Variants in MINK1 observed in about 807,000 individuals in gnomAD.
The protein encoded by MINK1 is misshapen-like kinase 1.
A neutral mutation model predicts 178.4 loss-of-function variants in MINK1; 46 were observed. The ratio of observed to expected loss-of-function variants is 0.26; its 90% confidence interval spans 0.20 to 0.33. The LOEUF (loss-of-function observed/expected upper bound fraction) is 0.33, where lower values mean the gene tolerates loss of function less well. Ranked by LOEUF, MINK1 falls within the 10% of genes least tolerant of loss-of-function variation. The pLI is 1.00. For synonymous variants in MINK1, 797 were observed against 709.7 expected (o/e 1.12, Z -1.96); for missense variants, 1,366 against 1,814.9 (o/e 0.75, Z 4.49).
chr17:4,896,379 C>G lies in MINK1; in HGVS notation c.3615+37C>G. ...GGGGCTGCTGGGGGAGTGGGATGGC[C>G]CAGTCTGGGCACCAGACACGGAGAC... On this transcript the variant is annotated intron_variant, in intron 29 of 31. Transcript: ENST00000355280. The surrounding 1 kb of genome is among the most constrained non-coding windows in gnomAD (Gnocchi z 4.6). 6.2e-7 allele frequency: 1 copy of G among 1,606,680 alleles called. No individual in the cohort carries two copies. Among genetic ancestry groups the G allele is most frequent in the Non-Finnish European group, 8.5e-7 (1 of 1,175,578 alleles).
chr17:4,882,879 G>A (rs150177671), intron 4 of MINK1: 4,870 of 152,106 alleles, frequency 0.032, 205 homozygotes, highest in Admixed American at 0.14. Context: ...CCAGCACTTC[G>A]GGAGGCTGGG....
intron 1 of MINK1, among the ~76,000 whole-genome samples, chr17:4,855,749 G>A (rs1291813413): frequency 1.2e-4 from 16 of 138,224 alleles, no homozygotes; most frequent in African/African-American, 4.1e-4. Context: ...CAGCCTGGGC[G>A]ACAGAGCAAG....
chr17:4,840,489 C>G (rs1910047247), intron 1 of MINK1, among the ~76,000 whole-genome samples: 1 of 150,974 alleles, frequency 6.6e-6, no homozygotes, highest in Non-Finnish European at 1.5e-5. Context: ...GGGAGGGACT[C>G]TGGGTCCTGG....
At chr17:4,871,542 A>T (rs1420544978) in intron 1 of MINK1, among the ~76,000 whole-genome samples, 1 of 151,960 alleles carries the variant, frequency 6.6e-6, no homozygotes, top group Non-Finnish European at 1.5e-5. Context: ...ATATCATTCT[A>T]TTATATAGAT....
At chr17:4,875,027 A>C in intron 1 of MINK1, 1 of 520,040 alleles carries the variant, frequency 1.9e-6, no homozygotes, top group Non-Finnish European at 3.8e-6. Flanking sequence ...TTATGACCCT[A>C]GATCCTTTTT....
At chr17:4,856,828 C>T (rs145066158) in intron 1 of MINK1, 341 of 157,244 alleles carry the variant, frequency 2.2e-3, no homozygotes, top group Non-Finnish European at 3.3e-3. Context: ...GGACACTGTA[C>T]ACTTAGAAGA....
intron 13 of MINK1, chr17:4,889,992 G>A (rs1465447003): frequency 1.1e-5 from 5 of 442,148 alleles, no homozygotes; most frequent in African/African-American, 5.2e-5. Flanking sequence ...CTGACTCCCC[G>A]ACCCCTTCCT....
chr17:4,861,925 G>A (rs993112463), intron 1 of MINK1, among the ~76,000 whole-genome samples: 4 of 152,228 alleles, frequency 2.6e-5, no homozygotes, highest in African/African-American at 4.8e-5. Context: ...CTCACTATGC[G>A]ACAATAGTCG....
chr17:4,895,651 C>T lies in MINK1; in HGVS notation c.3230-47C>T, dbSNP rs1316808990. ...GGAGGCCAGGGCGGTGGCATTCGGG[C>T]CTCAGATGAGAATGGGGGCGGGTGT... is the stretch of plus-strand genomic sequence containing the variant. On this transcript the variant is annotated intron_variant, in intron 26 of 31. Transcript: ENST00000355280. This position sits in a 1 kb window ranked among gnomAD's most constrained non-coding sequence, Gnocchi z 4.3. 1.2e-6 allele frequency: 2 copies of T among 1,601,810 alleles called. No individual in the cohort carries two copies. Among genetic ancestry groups the T allele is most frequent in the African/African-American group, 2.7e-5 (2 of 74,748 alleles).
At chr17:4,890,256 G>A (rs1227971960) in intron 13 of MINK1, 19 of 1,188,226 alleles carry the variant, frequency 1.6e-5, no homozygotes, top group Non-Finnish European at 2.0e-5. Context: ...GAGGAGCAGC[G>A]ACAGCTCGAG....
At position 4,885,105 on chromosome 17, in the gene MINK1, ACT is replaced by A; in HGVS notation, c.508+104_508+105del. Reference sequence around the variant, plus strand: ...GTGGCTCAGGCCCAACTCCCTTCCTACTGGGGAGGCTCACTCCCTCCCCTTTC... The same window carrying A: ...GTGGCTCAGGCCCAACTCCCTTCCTAGGGGAGGCTCACTCCCTCCCCTTTC... On this transcript the variant is annotated intron_variant, in intron 6 of 31. Transcript: ENST00000355280. The surrounding 1 kb of genome is among the most constrained non-coding windows in gnomAD (Gnocchi z 5.0). 1 of 1,059,514 alleles carries A rather than the reference ACT, an allele frequency of 9.4e-7. No individual in the cohort carries two copies. The highest frequency in any genetic ancestry group is 1.4e-6 in the Non-Finnish European group (1 of 710,746). 65.6% of individuals were successfully genotyped at this position (1,059,514 alleles called of 1,614,324 possible). A position where few individuals can be genotyped will look rare whatever the true frequency, so the allele number is the denominator to read the frequency against.
intron 1 of MINK1, among the ~76,000 whole-genome samples, chr17:4,839,124 T>C (rs1349232902): frequency 6.6e-6 from 1 of 152,194 alleles, no homozygotes; most frequent in Non-Finnish European, 1.5e-5. Context: ...TTTGTATTTT[T>C]AGTAGAGACG....
At chr17:4,881,513 C>G (rs1228286208) in intron 4 of MINK1, among the ~76,000 whole-genome samples, 3 of 152,196 alleles carry the variant, frequency 2.0e-5, no homozygotes, top group African/African-American at 7.2e-5. Context: ...CCAACCCTTC[C>G]CCTAACCAGT....
In MINK1 at chr17:4,897,475, CAT is replaced by C. The variant is rs565007794; in HGVS notation, c.*189_*190del. ...ATCACGTGACCATCCTCTTCCCCAA[CAT>C]GTCCTCTTCCCAAAACTGTGCCTGT... is the stretch of plus-strand genomic sequence containing the variant. On this transcript the variant is annotated 3_prime_UTR_variant, in exon 32 of 32. Coordinates refer to ENST00000355280, the MANE Select transcript of MINK1 (RefSeq NM_153827.5). The C allele has an allele frequency of 1.2e-4, 69 of 579,626 alleles. 1 individual carries two copies. In the Middle Eastern group the frequency reaches 1.4e-3, roughly 12 times the overall value. 35.9% of individuals were successfully genotyped at this position (579,626 alleles called of 1,614,324 possible).
intron 1 of MINK1, among the ~76,000 whole-genome samples, chr17:4,850,707 C>T (rs1911814490): frequency 6.6e-6 from 1 of 152,172 alleles, no homozygotes; most frequent in South Asian, 2.1e-4. Context: ...TTTTCTTGGT[C>T]ATGAAGCTTC....
In MINK1 at chr17:4,894,049, G is replaced by A. The variant is rs1289473978; in HGVS notation, c.2626G>A (p.Gly876Arg). 1.3e-5 allele frequency: 20 copies of A among 1,589,812 alleles called. No individual in the cohort carries two copies. The highest frequency in any genetic ancestry group is 1.7e-4 in the Middle Eastern group (1 of 5,942). ...MVVHDVEEIT[G>R]TQPPYGGGTM... ...GGTCCACGACGTCGAGGAGATCACC[G>A]GGACCCAGCCCCCATACGGGGGCGG... is the stretch of plus-strand genomic sequence containing the variant. The change falls in exon 22 of 32, where the codon GGG becomes AGG. Residue 876 changes from glycine to arginine, a missense_variant. By Grantham distance (125) the Gly-to-Arg change is moderately radical. Around this residue, in one of 14 missense-constraint regions of MINK1, gnomAD observed 709 missense variants for 692.3 expected, o/e 1.02. Transcript: ENST00000355280. This position sits in a 1 kb window ranked among gnomAD's most constrained non-coding sequence, Gnocchi z 4.1.
At position 4,887,409 on chromosome 17, in the gene MINK1, C is replaced by T. The variant is rs1267259499; in HGVS notation, c.1020-171C>T. 1.3e-5 allele frequency among the ~76,000 whole-genome samples: 2 copies of T among 152,132 alleles called. No homozygotes were observed. The highest frequency in any genetic ancestry group is 4.8e-5 in the African/African-American group (2 of 41,422). On this transcript the variant is annotated intron_variant, in intron 11 of 31. Transcript: ENST00000355280. The surrounding 1 kb of genome is among the most constrained non-coding windows in gnomAD (Gnocchi z 7.6). Reference sequence around the variant, plus strand: ...GCGCAGCAGTAATAGGAAAGGAGGACAGGACTGAAGACTGGGCAGAAGGGG... The same window carrying T: ...GCGCAGCAGTAATAGGAAAGGAGGATAGGACTGAAGACTGGGCAGAAGGGG...
intron 1 of MINK1, among the ~76,000 whole-genome samples, chr17:4,859,629 A>T (rs1340597178): frequency 2.0e-5 from 3 of 151,928 alleles, no homozygotes; most frequent in African/African-American, 7.3e-5. Context: ...CTCTACTAAA[A>T]ATACAAAAAT....
At chr17:4,884,544 C>A in intron 5 of MINK1, 71 bp downstream of exon 5, 1 of 1,161,012 alleles carries the variant, frequency 8.6e-7, no homozygotes, top group Non-Finnish European at 1.3e-6. Flanking sequence ...GAGCAAAGAT[C>A]CTCCCTGCGC....
Sources: gnomAD v4.1 joint callset for allele counts (sites outside exome capture counted in the v4.1 genomes callset) on GRCh38, gnomAD v4.1.1 for gene constraint, gnomAD v4.1.1 regional missense constraint, Gnocchi (gnomAD v3.1) non-coding constraint, MANE v1.5 for transcripts, NCBI Gene and HGNC (gene_info 2026-07-23, HGNC 2026-07-21) for gene names.